Variants in ATP12A observed in about 807,000 individuals in gnomAD.
The protein encoded by ATP12A is potassium-transporting ATPase alpha chain 2.
A neutral mutation model predicts 111.2 loss-of-function variants in ATP12A; 81 were observed. That is an observed-to-expected ratio of 0.73 (90% CI 0.61 to 0.88). The LOEUF is 0.88. Among genes scored for constraint, ATP12A ranks in the 40% least tolerant of loss-of-function variants. The pLI is 0.00. For synonymous variants in ATP12A, 498 were observed against 499.8 expected (o/e 1.00, Z 0.05); for missense variants, 1,196 against 1,313.1 (o/e 0.91, Z 1.38).
chr13:24,684,316 T>TAATAATGAA (rs1391037299), intron 2 of ATP12A, among the ~76,000 whole-genome samples: 1 of 152,224 alleles, frequency 6.6e-6, no homozygotes, highest in African/African-American at 2.4e-5. Context: ...ATAATAATGA[T>TAATAATGAA]AATAATGAAT....
Position 24,707,450 on chromosome 13 carries a change from G to C in ATP12A, c.2493+17G>C, listed in dbSNP as rs551455216. ...ACAGACATTGTAAGTGACACTGAAGGGAACAGGCTGTGATGCCTGCCCCAG... is the reference window on the plus strand; with the variant it reads ...ACAGACATTGTAAGTGACACTGAAGCGAACAGGCTGTGATGCCTGCCCCAG... On this transcript the variant is annotated intron_variant, in intron 17 of 22. Coordinates refer to ENST00000381946, the MANE Select transcript of ATP12A (RefSeq NM_001676.7). 1 of 1,614,034 alleles carries C rather than the reference G, an allele frequency of 6.2e-7. No individual in the cohort carries two copies. The highest frequency in any genetic ancestry group is 1.1e-5 in the South Asian group (1 of 91,046).
Position 24,688,515 on chromosome 13 carries a change from T to C in ATP12A, c.425T>C (p.Leu142Pro). The change falls in exon 4 of 23, where the codon CTG (leucine) becomes CCG (proline). Residue 142 changes from leucine to proline, a missense_variant. This residue lies in a region of ATP12A where 1,126 missense variants were observed against 1,228.5 expected (regional missense o/e 0.92). Transcript: ENST00000381946. ...TACTCCAGCGACAAGTCTGCATCCC[T>C]GAACAACGTAAGGCTCTGGGGTGTC... ...IQYSSDKSAS[L>P]NNVYLGCVLG... The C allele has an allele frequency of 1.9e-6, 3 of 1,591,260 alleles. No homozygotes were observed. Among genetic ancestry groups the C allele is most frequent in the Non-Finnish European group, 2.6e-6 (3 of 1,166,166 alleles).
Position 24,711,819 on chromosome 13 carries a change from G to A in ATP12A, c.*297G>A. On this transcript the variant is annotated 3_prime_UTR_variant, in exon 23 of 23. Transcript: ENST00000381946. ...TTATGTGTATTTGAAACTCCTTGAT[G>A]TTAATAGTCTTGTGTAACCCAGGCA... 1 of 459,682 alleles carries A rather than the reference G, an allele frequency of 2.2e-6. No homozygotes were observed. The highest frequency in any genetic ancestry group is 4.0e-6 in the Non-Finnish European group (1 of 251,848). The allele number at this position is 459,682 out of a possible 1,614,324, so 28.5% of individuals were successfully genotyped here. A position where few individuals can be genotyped will look rare whatever the true frequency, so the allele number is the denominator to read the frequency against.
intron 15 of ATP12A, 60 bp from the exon 16 acceptor site, chr13:24,706,963 C>T: frequency 2.0e-6 from 3 of 1,513,248 alleles, no homozygotes; most frequent in Non-Finnish European, 2.7e-6. Context: ...TTGCTCTTGC[C>T]AGGCCTGCAA....
At chr13:24,710,314 A>G in intron 19 of ATP12A, 146 bp from the exon 20 acceptor site, 3 of 992,322 alleles carry the variant, frequency 3.0e-6, no homozygotes, top group South Asian at 1.8e-5. Flanking sequence ...AGAAAGAAAA[A>G]TGTTTCTTTC....
Position 24,698,681 on chromosome 13 carries a change from C to A in ATP12A, c.1536C>A (p.Asp512Glu). The A allele has an allele frequency of 6.2e-7, 1 of 1,613,640 alleles. No homozygotes were observed. Among genetic ancestry groups the A allele is most frequent in the Non-Finnish European group, 8.5e-7 (1 of 1,179,988 alleles). The change falls in exon 12 of 23, where the codon GAC (aspartate) becomes GAA (glutamate). Residue 512 changes from aspartate to glutamate, a missense_variant. This residue lies in a region of ATP12A where 1,126 missense variants were observed against 1,228.5 expected (regional missense o/e 0.92). Coordinates refer to ENST00000381946, the MANE Select transcript of ATP12A (RefSeq NM_001676.7). ...AGCTCTCCATCCACGAGATGGATGA[C>A]CCCCACGGCAAGCGCTTCCTCATGG... ...KFQLSIHEMD[D>E]PHGKRFLMVM...
intron 11 of ATP12A, among the ~76,000 whole-genome samples, chr13:24,694,920 A>G (rs969140815): frequency 6.6e-6 from 1 of 152,054 alleles, no homozygotes; most frequent in Non-Finnish European, 1.5e-5. Flanking sequence ...TTCTGCCGTG[A>G]GGAGCAGCAG....
chr13:24,684,117 C>G (rs1385182023), intron 2 of ATP12A, among the ~76,000 whole-genome samples: 2 of 148,070 alleles, frequency 1.4e-5, no homozygotes, highest in Non-Finnish European at 3.0e-5. Flanking sequence ...TCTGAGGTCC[C>G]ATGCATGCAA....
Position 24,707,274 on chromosome 13 carries a change from C to A in ATP12A, c.2339-5C>A. The stretch of plus-strand genomic sequence containing the variant: ...AAGTTCTGAAGGAGAAACCTCTCTG[C>A]CTAGGTCGCCTGATCTTTGACAACC... On this transcript the variant is annotated splice_polypyrimidine_tract_variant and splice_region_variant and intron_variant, in intron 16 of 22. Transcript: ENST00000381946. 6.2e-7 allele frequency: 1 copy of A among 1,614,164 alleles called. No homozygotes were observed.
intron 11 of ATP12A, 121 bp downstream of exon 11, chr13:24,694,699 A>C: frequency 1.3e-6 from 2 of 1,488,662 alleles, no homozygotes; most frequent in African/African-American, 2.8e-5. Context: ...GTCGTCAGGG[A>C]TACAGCACCC....
chr13:24,705,845 A>G (rs115710479), intron 14 of ATP12A, among the ~76,000 whole-genome samples: 5,293 of 151,824 alleles, frequency 0.035, 165 homozygotes, highest in African/African-American at 0.084. Flanking sequence ...AATTTTTTAA[A>G]ATTTTTTGTA....
At position 24,681,624 on chromosome 13, in the gene ATP12A, G is replaced by C. The variant is rs143794717; in HGVS notation, c.72G>C (p.Lys24Asn). ...SGTKDIVKTDKGDGKEKYRGL... is the reference protein window; with the variant it reads ...SGTKDIVKTDNGDGKEKYRGL... ...CTAAGGACATCGTGAAAACAGACAAGGGGGATGGCAAGGAGAAGTATAGGG... is the reference window on the plus strand; with the variant it reads ...CTAAGGACATCGTGAAAACAGACAACGGGGATGGCAAGGAGAAGTATAGGG... The change falls in exon 2 of 23, where the codon AAG becomes AAC. Residue 24 changes from lysine (K) to asparagine (N), a missense_variant. Lys to Asn is a moderately conservative substitution (Grantham distance 94, BLOSUM62 0). Coordinates refer to ENST00000381946, the MANE Select transcript of ATP12A (RefSeq NM_001676.7). The C allele has an allele frequency of 1.2e-5, 20 of 1,614,200 alleles. No individual in the cohort carries two copies. The highest frequency in any genetic ancestry group is 1.6e-5 in the Non-Finnish European group (19 of 1,180,034).
intron 13 of ATP12A, among the ~76,000 whole-genome samples, chr13:24,701,564 A>G (rs537801041): frequency 6.6e-6 from 1 of 152,142 alleles, no homozygotes; most frequent in Admixed American, 6.5e-5. Context: ...AAAAGGCTTT[A>G]TTACTCAGTC....
rs1362151472 is a variant in ATP12A, at chr13:24,685,072, T to A, written c.169-242T>A. On this transcript the variant is annotated intron_variant, in intron 2 of 22. Transcript: ENST00000381946. The surrounding 1 kb of genome is among the most constrained non-coding windows in gnomAD (Gnocchi z 5.5). Reference sequence around the variant, plus strand: ...TTTGTTCAGAAAAGCTGCAGGCAGCTTCTGGGTAGTAACAGCAAGTGCAGG... The same window carrying A: ...TTTGTTCAGAAAAGCTGCAGGCAGCATCTGGGTAGTAACAGCAAGTGCAGG... Among the ~76,000 whole-genome samples, 3 of 152,184 alleles carry A rather than the reference T, an allele frequency of 2.0e-5. No homozygotes were observed. Among genetic ancestry groups the A allele is most frequent in the Admixed American group, 6.5e-5 (1 of 15,278 alleles).
chr13:24,708,900 GGAAAGAAAGAAAGAAA>G (rs764913574), intron 17 of ATP12A, among the ~76,000 whole-genome samples: 1,002 of 65,178 alleles, frequency 0.015, 9 homozygotes, highest in Non-Finnish European at 0.02. Flanking sequence ...AAGAAAGAAA[GGAAAGAAAGAAAGAAA>G]GAAAGAAAGA....
intron 1 of ATP12A, 117 bp downstream of exon 1, chr13:24,680,869 G>A (rs1009357037): frequency 4.4e-6 from 6 of 1,367,494 alleles, no homozygotes; most frequent in Non-Finnish European, 5.6e-6. Context: ...CCCGTCCCGG[G>A]GCAAGGGGAG....
chr13:24,691,329 GCAATCTCCCC>G (rs1313573525), intron 8 of ATP12A, 79 bp downstream of exon 8: 1 of 1,488,360 alleles, frequency 6.7e-7, no homozygotes, highest in African/African-American at 1.4e-5. Flanking sequence ...CACACAAACT[GCAATCTCCCC>G]CAAGTCCAGA....
At chr13:24,704,091 G>T (rs985694722) in intron 14 of ATP12A, among the ~76,000 whole-genome samples, 5 of 152,014 alleles carry the variant, frequency 3.3e-5, no homozygotes, top group African/African-American at 1.2e-4. Context: ...TCCACCTCCT[G>T]GGTTCAAGCA....
chr13:24,707,547 G>A, intron 17 of ATP12A, 114 bp downstream of exon 17: 1 of 1,379,816 alleles, frequency 7.2e-7, no homozygotes, highest in Non-Finnish European at 1.0e-6. Context: ...CAGCTTCCAT[G>A]TGATGGGGCC....
Sources: allele counts gnomAD v4.1 joint callset (sites outside exome capture counted in the v4.1 genomes callset), GRCh38; gene constraint gnomAD v4.1.1; regional missense constraint gnomAD v4.1.1; non-coding constraint Gnocchi (gnomAD v3.1); transcripts MANE v1.5; gene names NCBI Gene and HGNC (gene_info 2026-07-23, HGNC 2026-07-21).